Variants in PRR16 observed in about 807,000 individuals in gnomAD.
PRR16 encodes protein Largen.
A neutral mutation model predicts 18.2 loss-of-function variants in PRR16; 6 were observed. The observed-to-expected ratio is 0.33, with a 90% CI of 0.18 to 0.65. The LOEUF is 0.65. PRR16 is among the 30% of genes least tolerant of loss of function. PRR16 has a pLI of 0.74. For missense variants in PRR16, 412 were observed against 376.6 expected (o/e 1.09, Z -0.78); for synonymous variants, 151 against 147.8 (o/e 1.02, Z -0.16).
chr5:120,781,548 A>G, the PRR16 span: 1 of 152,192 alleles, frequency 6.6e-6, no homozygotes, highest in Non-Finnish European at 1.5e-5. Flanking sequence ...CATCTCTCAC[A>G]TAAGGATTTT....
intron 1 of PRR16, among the ~76,000 whole-genome samples, chr5:120,650,265 G>T (rs1003150999): frequency 4.0e-5 from 6 of 148,812 alleles, no homozygotes; most frequent in Non-Finnish European, 1.5e-5. Context: ...CAAAAAGAAA[G>T]AATAAGAAAT....
chr5:120,713,103 G>T, the PRR16 span, among the ~76,000 whole-genome samples: 1,055 of 151,986 alleles, frequency 6.9e-3, 23 homozygotes, highest in African/African-American at 0.024. Context: ...TAATTGTGAG[G>T]CACAACACAA....
At chr5:120,551,398 G>A (rs1055463383) in intron 1 of PRR16, among the ~76,000 whole-genome samples, 2 of 151,802 alleles carry the variant, frequency 1.3e-5, no homozygotes, top group South Asian at 2.1e-4. Context: ...CGGCTCTTTC[G>A]CTAACTGGTT....
chr5:120,531,837 A>G (rs1334443908), intron 1 of PRR16, among the ~76,000 whole-genome samples: 1 of 152,190 alleles, frequency 6.6e-6, no homozygotes, highest in East Asian at 1.9e-4. Flanking sequence ...TATGCTACAA[A>G]GCATAATTAA....
At chr5:120,667,923 A>G (rs1756451504) in intron 1 of PRR16, among the ~76,000 whole-genome samples, 2 of 152,042 alleles carry the variant, frequency 1.3e-5, no homozygotes, top group Admixed American at 1.3e-4. Context: ...AAAAAAATGT[A>G]TATTCTGTTG....
the PRR16 span, among the ~76,000 whole-genome samples, chr5:120,732,593 G>T: frequency 6.6e-6 from 1 of 152,074 alleles, no homozygotes; most frequent in East Asian, 1.9e-4. Context: ...ATTCCCAAGG[G>T]CCTGATGGGG....
intron 1 of PRR16, chr5:120,481,294 G>A (rs1350061447): frequency 4.5e-6 from 2 of 446,110 alleles, no homozygotes; most frequent in African/African-American, 4.1e-5. Flanking sequence ...CTACGCCTGG[G>A]TAAGTTTTGT....
At chr5:120,673,431 A>G (rs577800750) in intron 1 of PRR16, among the ~76,000 whole-genome samples, 103 of 152,376 alleles carry the variant, frequency 6.8e-4, no homozygotes, top group African/African-American at 2.3e-3. Flanking sequence ...TAAAAAGCAC[A>G]TAAACATCTT....
intron 1 of PRR16, among the ~76,000 whole-genome samples, chr5:120,544,330 A>G (rs1752008250): frequency 6.6e-6 from 1 of 152,166 alleles, no homozygotes; most frequent in Admixed American, 6.5e-5. Flanking sequence ...ACATAATTTT[A>G]TTTAAAGAAA....
intron 1 of PRR16, among the ~76,000 whole-genome samples, chr5:120,679,081 C>T (rs1280415413): frequency 6.6e-6 from 1 of 152,100 alleles, no homozygotes; most frequent in African/African-American, 2.4e-5. Flanking sequence ...CCACAGTCTA[C>T]TATAGCTTCC....
chr5:120,679,656 C>A (rs1409132176), intron 1 of PRR16, among the ~76,000 whole-genome samples: 2 of 152,084 alleles, frequency 1.3e-5, no homozygotes, highest in Non-Finnish European at 2.9e-5. Context: ...TAGATATTTA[C>A]TATTCAACCT....
In PRR16 at chr5:120,498,359, G is replaced by GTA. The variant is rs757721426; in HGVS notation, c.159+33727_159+33728dup. Among the ~76,000 whole-genome samples, 890 of 145,146 alleles carry GTA rather than the reference G, an allele frequency of 6.1e-3. 2 individuals are homozygous for GTA. Among genetic ancestry groups the GTA allele is most frequent in the African/African-American group, 0.016 (649 of 40,374 alleles). Reference sequence around the variant, plus strand: ...TACATATACATATATATCTATAAATGTATATATATATATAAAACTTACCAC... The same window carrying GTA: ...TACATATACATATATATCTATAAATGTATATATATATATATAAAACTTACCAC... On this transcript the variant is annotated intron_variant, in intron 1 of 1. Transcript: ENST00000407149.
chr5:120,772,841 A>G, the PRR16 span, among the ~76,000 whole-genome samples: 229 of 152,226 alleles, frequency 1.5e-3, no homozygotes, highest in Non-Finnish European at 2.6e-3. Context: ...GTTCAGTCCC[A>G]TCCCTTCAAG....
At chr5:120,734,621 T>C in the PRR16 span, among the ~76,000 whole-genome samples, 6 of 152,274 alleles carry the variant, frequency 3.9e-5, no homozygotes, top group African/African-American at 1.4e-4. Context: ...GAAAACAAAA[T>C]GCTTTTTACA....
intron 1 of PRR16, among the ~76,000 whole-genome samples, chr5:120,504,538 G>A (rs1750577251): frequency 6.6e-6 from 1 of 152,170 alleles, no homozygotes; most frequent in African/African-American, 2.4e-5. Flanking sequence ...ATGTCTTTGA[G>A]AAGTAGTTCC....
intron 1 of PRR16, among the ~76,000 whole-genome samples, chr5:120,491,885 A>C (rs1171454865): frequency 6.6e-6 from 1 of 152,048 alleles, no homozygotes; most frequent in African/African-American, 2.4e-5. Context: ...CATTTTTTAA[A>C]ACTATCTCCT....
intron 1 of PRR16, among the ~76,000 whole-genome samples, chr5:120,487,412 G>C (rs1411795815): frequency 1.3e-5 from 2 of 152,134 alleles, no homozygotes; most frequent in Non-Finnish European, 2.9e-5. Flanking sequence ...TGAAGCAATT[G>C]TGAATGGGCG....
At chr5:120,663,257 G>A (rs190141951) in intron 1 of PRR16, among the ~76,000 whole-genome samples, 329 of 151,864 alleles carry the variant, frequency 2.2e-3, no homozygotes, top group African/African-American at 7.6e-3. Flanking sequence ...AGTGAATTAT[G>A]CCTTCTTAGT....
At chr5:120,527,538 GCCT>G (rs1751411795) in intron 1 of PRR16, among the ~76,000 whole-genome samples, 1 of 152,168 alleles carries the variant, frequency 6.6e-6, no homozygotes, top group African/African-American at 2.4e-5. Flanking sequence ...AGTTTAAGTA[GCCT>G]CAGGCTAATT....
Sources: allele counts gnomAD v4.1 joint callset (sites outside exome capture counted in the v4.1 genomes callset), GRCh38; gene constraint gnomAD v4.1.1; transcripts MANE v1.5; gene names NCBI Gene and HGNC (gene_info 2026-07-23, HGNC 2026-07-21).